FA2H: variants seen among roughly 807,000 people sequenced by gnomAD.
The protein encoded by FA2H is fatty acid 2-hydroxylase.
In FA2H, 22 loss-of-function variants were observed where a neutral mutation model predicts 44.9. The ratio of observed to expected loss-of-function variants is 0.49; its 90% confidence interval spans 0.35 to 0.70. The LOEUF (loss-of-function observed/expected upper bound fraction) is 0.70, where lower values mean the gene tolerates loss of function less well. Ranked by LOEUF, FA2H falls within the 30% of genes least tolerant of loss-of-function variation. The pLI is 0.01. For synonymous variants in FA2H, 243 were observed against 213.2 expected (o/e 1.14, Z -1.22); for missense variants, 501 against 504.9 (o/e 0.99, Z 0.07).
intron 5 of FA2H, among the ~76,000 whole-genome samples, chr16:74,718,204 G>A (rs185776418): frequency 1.8e-4 from 28 of 152,306 alleles, no homozygotes; most frequent in Non-Finnish European, 2.2e-4. Flanking sequence ...TGAAACCCAC[G>A]TTCAGTATCA....
rs1269440657 is a variant in FA2H at position 74,714,142 on chromosome 16, G to A, written c.*48C>T. 3 of 1,250,684 alleles carry A rather than the reference G, an allele frequency of 2.4e-6. No individual in the cohort carries two copies. Among genetic ancestry groups the A allele is most frequent in the South Asian group, 2.6e-5 (2 of 78,046 alleles). 77.5% of individuals were successfully genotyped at this position (1,250,684 alleles called of 1,614,324 possible). ...GGTCTGAATGGCGGGTGGGGGTCGG[G>A]AAGGGGCCAGGGCCGGGCTGAGGGC... On this transcript the variant is annotated 3_prime_UTR_variant, in exon 7 of 7. Coordinates refer to ENST00000219368, the MANE Select transcript of FA2H (RefSeq NM_024306.5).
chr16:74,765,283 A>G (rs1962789666), intron 1 of FA2H, among the ~76,000 whole-genome samples: 2 of 151,798 alleles, frequency 1.3e-5, no homozygotes, highest in African/African-American at 4.8e-5. Context: ...CAGCCTCCCA[A>G]GTAGCTGGGA....
At chr16:74,734,983 G>A (rs373933127) in intron 2 of FA2H, among the ~76,000 whole-genome samples, 38 of 152,348 alleles carry the variant, frequency 2.5e-4, no homozygotes, top group African/African-American at 8.2e-4. Flanking sequence ...GGAGAGGAGT[G>A]GGGGCCGGTT....
chr16:74,754,195 A>G (rs1962576223), intron 1 of FA2H, among the ~76,000 whole-genome samples: 1 of 152,226 alleles, frequency 6.6e-6, no homozygotes, highest in Admixed American at 6.5e-5. Context: ...CGGGAGTTCA[A>G]GACCAGACTG....
chr16:74,752,626 G>T (rs905748045), intron 1 of FA2H, among the ~76,000 whole-genome samples: 2 of 152,180 alleles, frequency 1.3e-5, no homozygotes, highest in Non-Finnish European at 2.9e-5. Context: ...ATCCCCATGA[G>T]TGTCTCAGCC....
intron 4 of FA2H, among the ~76,000 whole-genome samples, chr16:74,725,376 G>A (rs1380087522): frequency 6.6e-6 from 1 of 152,224 alleles, no homozygotes; most frequent in Non-Finnish European, 1.5e-5. Flanking sequence ...CATGTACCTG[G>A]AGGCCCAAGG....
At chr16:74,720,080 G>A (rs529273216) in intron 4 of FA2H, among the ~76,000 whole-genome samples, 33 of 150,026 alleles carry the variant, frequency 2.2e-4, no homozygotes, top group South Asian at 1.3e-3. Context: ...ACAGCCTGCA[G>A]TCCTAGCGGC....
intron 1 of FA2H, among the ~76,000 whole-genome samples, chr16:74,774,007 T>C (rs548329793): frequency 3.3e-5 from 5 of 152,286 alleles, no homozygotes; most frequent in South Asian, 4.1e-4. Flanking sequence ...GAAGAGTTAC[T>C]GATCTGTGCC....
intron 1 of FA2H, among the ~76,000 whole-genome samples, chr16:74,764,340 T>G (rs1235273945): frequency 6.6e-6 from 1 of 152,140 alleles, no homozygotes; most frequent in Non-Finnish European, 1.5e-5. Flanking sequence ...AATGGTAGAC[T>G]GGATAAAGAA....
At chr16:74,726,116 G>A (rs141105245) in intron 4 of FA2H, 109 bp downstream of exon 4, 22 of 763,962 alleles carry the variant, frequency 2.9e-5, no homozygotes, top group Middle Eastern at 5.1e-4. Context: ...AAAAATGTCT[G>A]TGATGTAGTT....
Position 74,724,760 on chromosome 16 carries a change from C to T in FA2H, c.613+1465G>A, listed in dbSNP as rs555815475. On this transcript the variant is annotated intron_variant, in intron 4 of 6. Transcript: ENST00000219368. ...GCACATTTTAGCTCTCTGCCAAGGC[C>T]GTGTGGCTGATAGAGCCCTCAAATC... Among the ~76,000 whole-genome samples, 19 of 152,236 alleles carry T rather than the reference C, an allele frequency of 1.2e-4. No homozygotes were observed. In the East Asian group the frequency reaches 2.9e-3, roughly 23 times the overall value.
At chr16:74,735,495 G>A (rs1302830932) in intron 2 of FA2H, among the ~76,000 whole-genome samples, 1 of 152,184 alleles carries the variant, frequency 6.6e-6, no homozygotes, top group African/African-American at 2.4e-5. Context: ...TGGATAGGGA[G>A]CAAAAATGCC....
At chr16:74,738,451 A>G (rs72792757) in intron 2 of FA2H, among the ~76,000 whole-genome samples, 70 of 152,284 alleles carry the variant, frequency 4.6e-4, no homozygotes, top group Non-Finnish European at 8.1e-4. Context: ...GGAGCTGACC[A>G]CAGAGCTGGC....
intron 2 of FA2H, among the ~76,000 whole-genome samples, chr16:74,731,464 G>C (rs1440115452): frequency 6.6e-6 from 1 of 152,106 alleles, no homozygotes; most frequent in African/African-American, 2.4e-5. Flanking sequence ...TTCAATTGAA[G>C]CATTAAATCT....
intron 2 of FA2H, among the ~76,000 whole-genome samples, chr16:74,730,053 G>T (rs1035343620): frequency 6.6e-6 from 1 of 152,122 alleles, no homozygotes; most frequent in Non-Finnish European, 1.5e-5. Context: ...CCTTGTACAG[G>T]CCTCTCCACC....
chr16:74,747,392 T>C (rs1300958920), intron 1 of FA2H, among the ~76,000 whole-genome samples: 3 of 151,928 alleles, frequency 2.0e-5, no homozygotes, highest in African/African-American at 4.8e-5. Context: ...GGAATCACAG[T>C]AGAGTCTCAG....
chr16:74,741,773 A>AATATATATATATATATATATATAT (rs57773726), intron 1 of FA2H, among the ~76,000 whole-genome samples: 4 of 48,058 alleles, frequency 8.3e-5, no homozygotes, highest in Admixed American at 2.3e-4. Flanking sequence ...CACCTGATTA[A>AATATATATATATATATATATATAT]ATATATATAT....
chr16:74,761,901 GGAA>G (rs1228125233), intron 1 of FA2H, among the ~76,000 whole-genome samples: 1 of 152,202 alleles, frequency 6.6e-6, no homozygotes, highest in African/African-American at 2.4e-5. Context: ...AATGAATGAA[GGAA>G]GAAGCCTTTC....
At chr16:74,741,227 C>T (rs1382410223) in intron 1 of FA2H, 1 of 152,222 alleles carries the variant, frequency 6.6e-6, no homozygotes, top group Non-Finnish European at 1.5e-5. Context: ...TGAAGGAAGC[C>T]ATGGTGCTGG....
Sources: gnomAD v4.1 joint callset for allele counts (sites outside exome capture counted in the v4.1 genomes callset) on GRCh38, gnomAD v4.1.1 for gene constraint, MANE v1.5 for transcripts, NCBI Gene and HGNC (gene_info 2026-07-23, HGNC 2026-07-21) for gene names.